Variants in COL6A2 observed in about 807,000 individuals in gnomAD.
COL6A2 encodes collagen type VI alpha 2 chain, also known as collagen alpha-2(VI) chain.
In COL6A2, 90 loss-of-function variants were observed where a neutral mutation model predicts 124.9. The ratio of observed to expected loss-of-function variants is 0.72; its 90% confidence interval spans 0.61 to 0.86. COL6A2 has a LOEUF of 0.86. Among genes scored for constraint, COL6A2 ranks in the 40% least tolerant of loss-of-function variants. The probability of loss-of-function intolerance (pLI) is 0.00; values close to 1 mark genes in which losing one functional copy is unlikely to be tolerated. For synonymous variants in COL6A2, 793 were observed against 618.2 expected, an observed-to-expected ratio of 1.28 and a Z score of -4.19; for missense variants, 1,607 against 1,502.5, an observed-to-expected ratio of 1.07 and a Z score of -1.15.
intron 27 of COL6A2, among the ~76,000 whole-genome samples, 180 bp from the exon 28 acceptor site, chr21:46,131,774 G>A (rs1040264350): frequency 6.6e-6 from 1 of 152,202 alleles, no homozygotes; most frequent in South Asian, 2.1e-4. Flanking sequence ...AGTGCCGCCT[G>A]AAAGTGTCTT....
intron 19 of COL6A2, 83 bp from the exon 20 acceptor site, chr21:46,122,413 C>T (rs1444717755): frequency 9.5e-6 from 15 of 1,570,976 alleles, no homozygotes; most frequent in Admixed American, 6.7e-5. Flanking sequence ...GGGAGGGAAA[C>T]GGGGCTGCAG....
chr21:46,126,407 T>G, intron 26 of COL6A2, 96 bp from the exon 27 acceptor site: 6 of 1,567,050 alleles, frequency 3.8e-6, no homozygotes, highest in Non-Finnish European at 5.3e-6. Context: ...AGAGGCCAGC[T>G]GCACCCTGAG....
intron 1 of COL6A2, among the ~76,000 whole-genome samples, chr21:46,111,106 G>A (rs139058395): frequency 2.9e-3 from 449 of 152,256 alleles, no homozygotes; most frequent in African/African-American, 0.01. Flanking sequence ...AGTGGGGGGC[G>A]CCAGACAGTG....
chr21:46,124,138 G>T (rs1458540496), intron 21 of COL6A2, among the ~76,000 whole-genome samples: 1 of 151,382 alleles, frequency 6.6e-6, no homozygotes, highest in Non-Finnish European at 1.5e-5. Context: ...TGGATAGATG[G>T]GTAAGTGAGT....
At chr21:46,102,701 G>A (rs1344973420) in intron 1 of COL6A2, among the ~76,000 whole-genome samples, 1 of 90,336 alleles carries the variant, frequency 1.1e-5, no homozygotes, top group Non-Finnish European at 2.6e-5. Context: ...GTATTACATT[G>A]ATTGATTTTT....
chr21:46,104,264 T>C (rs1193894291), intron 1 of COL6A2, among the ~76,000 whole-genome samples: 2 of 151,922 alleles, frequency 1.3e-5, no homozygotes, highest in East Asian at 3.9e-4. Context: ...GATACTCAAA[T>C]AACTAAGGGA....
chr21:46,112,974 G>C, intron 4 of COL6A2, 150 bp downstream of exon 4: 2 of 1,020,708 alleles, frequency 2.0e-6, no homozygotes, highest in African/African-American at 3.2e-5. Context: ...AGGCCTTGGA[G>C]TCTGGAGAAA....
chr21:46,118,790 C>T (rs1164299704), intron 13 of COL6A2, 114 bp downstream of exon 13: 4 of 1,297,024 alleles, frequency 3.1e-6, no homozygotes, highest in Non-Finnish European at 4.4e-6. Context: ...CCGCATTGGG[C>T]TCTGGGGACA....
intron 1 of COL6A2, among the ~76,000 whole-genome samples, chr21:46,106,304 T>C (rs1046819345): frequency 1.3e-5 from 2 of 152,224 alleles, no homozygotes; most frequent in African/African-American, 2.4e-5. Flanking sequence ...GTTGTAATGA[T>C]GGTCATATGT....
intron 24 of COL6A2, 41 bp from the exon 25 acceptor site, chr21:46,125,424 G>C: frequency 6.2e-7 from 1 of 1,611,292 alleles, no homozygotes; most frequent in Non-Finnish European, 8.5e-7. Flanking sequence ...TAGGGTCTGA[G>C]GTCTCCCCGG....
chr21:46,131,796 C>CCA (rs2078763313), intron 27 of COL6A2, among the ~76,000 whole-genome samples, 158 bp from the exon 28 acceptor site: 5 of 152,288 alleles, frequency 3.3e-5, no homozygotes, highest in Admixed American at 3.3e-4. Context: ...GGCTAAGGAC[C>CCA]CACACCCAGG....
intron 5 of COL6A2, among the ~76,000 whole-genome samples, chr21:46,114,360 G>A (rs1331477871): frequency 6.6e-6 from 1 of 151,762 alleles, no homozygotes; most frequent in Non-Finnish European, 1.5e-5. Context: ...GGGAAGCGGA[G>A]GTTGCAGTGA....
intron 10 of COL6A2, among the ~76,000 whole-genome samples, chr21:46,117,076 A>G (rs927903992): frequency 2.0e-5 from 3 of 152,074 alleles, no homozygotes; most frequent in African/African-American, 7.2e-5. Flanking sequence ...GGCCAGCAAC[A>G]AGCCTACCCA....
At chr21:46,102,670 C>T (rs2078299630) in intron 1 of COL6A2, among the ~76,000 whole-genome samples, 1 of 149,856 alleles carries the variant, frequency 6.7e-6, no homozygotes. Flanking sequence ...AGTTTTTTTT[C>T]CTCCTTCATT....
intron 1 of COL6A2, among the ~76,000 whole-genome samples, chr21:46,102,155 CTATAG>C (rs1308056764): frequency 6.6e-6 from 1 of 152,000 alleles, no homozygotes; most frequent in African/African-American, 2.4e-5. Flanking sequence ...ATTTTTGATA[CTATAG>C]TAAATAGAAT....
At chr21:46,103,390 T>C (rs901274005) in intron 1 of COL6A2, among the ~76,000 whole-genome samples, 1 of 152,154 alleles carries the variant, frequency 6.6e-6, no homozygotes. Context: ...GTCATTGATT[T>C]TCTCTATTAT....
In COL6A2 at chr21:46,124,704, A is replaced by G; in HGVS notation, c.1725A>G (p.Pro575=). ...EPGPRGPRGV[P]GPEGEPGPPG... ...GCCCTCGGGGGCCAAGAGGAGTCCCAGGACCCGAGGTAGGTTGGTGGCCAG... is the reference window on the plus strand; with the variant it reads ...GCCCTCGGGGGCCAAGAGGAGTCCCGGGACCCGAGGTAGGTTGGTGGCCAG... Residue 575 remains proline (P), a synonymous_variant, in exon 22 of 28, where the codon CCA becomes CCG. Coordinates refer to ENST00000300527, the MANE Select transcript of COL6A2 (RefSeq NM_001849.4). 6.2e-7 allele frequency: 1 copy of G among 1,612,720 alleles called. No individual in the cohort carries two copies. The highest frequency in any genetic ancestry group is 8.5e-7 in the Non-Finnish European group (1 of 1,179,886).
At position 46,122,839 on chromosome 21, in the gene COL6A2, C is replaced by T. The variant is rs376167376; in HGVS notation, c.1609-36C>T. Reference sequence around the variant, plus strand: ...ACTGGTGTCCCTGGTAGAGACAGCTCCTCTGTCCCAGGCTAACATGTGTTC... The same window carrying T: ...ACTGGTGTCCCTGGTAGAGACAGCTTCTCTGTCCCAGGCTAACATGTGTTC... On this transcript the variant is annotated intron_variant, in intron 20 of 27. Transcript: ENST00000300527. 25 of 1,595,272 alleles carry T rather than the reference C, an allele frequency of 1.6e-5. No homozygotes were observed. In the East Asian group the frequency reaches 2.9e-4, roughly 19 times the overall value.
intron 1 of COL6A2, among the ~76,000 whole-genome samples, chr21:46,101,065 T>G (rs905180112): frequency 6.6e-6 from 1 of 152,228 alleles, no homozygotes; most frequent in Non-Finnish European, 1.5e-5. Context: ...GGTGTCATTT[T>G]CCGGGTTCGC....
Sources: gnomAD v4.1 joint callset for allele counts (sites outside exome capture counted in the v4.1 genomes callset) on GRCh38, gnomAD v4.1.1 for gene constraint, MANE v1.5 for transcripts, NCBI Gene and HGNC (gene_info 2026-07-23, HGNC 2026-07-21) for gene names.